Variants in SYCP2 observed in about 807,000 individuals in gnomAD.
SYCP2 encodes the protein synaptonemal complex lateral element protein.
SYCP2 carries 55 observed loss-of-function variants against 211.3 expected under a neutral mutation model. That is an observed-to-expected ratio of 0.26 (90% CI 0.21 to 0.33). SYCP2 has a LOEUF of 0.33. Among genes scored for constraint, SYCP2 ranks in the 10% least tolerant of loss-of-function variants. SYCP2 has a pLI of 1.00. For missense variants in SYCP2, 1,731 were observed against 1,752.0 expected (o/e 0.99, Z 0.21); for synonymous variants, 570 against 555.2 (o/e 1.03, Z -0.37).
At chr20:59,918,029 AG>A (rs1176117324) in intron 7 of SYCP2, among the ~76,000 whole-genome samples, 1 of 152,154 alleles carries the variant, frequency 6.6e-6, no homozygotes, top group Non-Finnish European at 1.5e-5. Flanking sequence ...ACCCATGGTC[AG>A]TTCTTTGAAT....
chr20:59,880,524 T>C (rs139207506), intron 30 of SYCP2, 53 bp from the exon 31 acceptor site: 1 of 1,124,066 alleles, frequency 8.9e-7, no homozygotes, highest in East Asian at 2.7e-5. Context: ...CATTATGTCA[T>C]GCAAGGTAAG....
In SYCP2 at chr20:59,886,727, T is replaced by C; in HGVS notation, c.2472A>G (p.Leu824=). Residue 824 remains leucine, a synonymous_variant, in exon 25 of 45, where the codon TTA becomes TTG. Transcript: ENST00000357552. ...TKDDIKSTRK[L]KESLINSGFS... ...CATACCTGTTAATCAAAGACTCCTT[T>C]AATTTTCTTGTAGACTTGATGTCAT... is the stretch of plus-strand genomic sequence containing the variant. The C allele has an allele frequency of 6.4e-7, 1 of 1,570,488 alleles. No individual in the cohort carries two copies. Among genetic ancestry groups the C allele is most frequent in the South Asian group, 1.2e-5 (1 of 84,004 alleles).
In SYCP2 at chr20:59,928,150, G is replaced by A. The variant is rs185401097; in HGVS notation, c.-47+3912C>T. Reference sequence around the variant, plus strand: ...TTACGTTTCTTTTCCTACTCTGTCAGAACCCAGGAAGAAAGAGGAATGCTG... The same window carrying A: ...TTACGTTTCTTTTCCTACTCTGTCAAAACCCAGGAAGAAAGAGGAATGCTG... On this transcript the variant is annotated intron_variant, in intron 2 of 44. Transcript: ENST00000357552. Among the ~76,000 whole-genome samples, 274 of 152,270 alleles carry A rather than the reference G, an allele frequency of 1.8e-3. 2 individuals are homozygous for A. Among genetic ancestry groups the A allele is most frequent in the African/African-American group, 6.1e-3 (254 of 41,562 alleles).
chr20:59,910,382 T>A (rs1028167069), intron 14 of SYCP2, among the ~76,000 whole-genome samples: 6 of 131,890 alleles, frequency 4.5e-5, no homozygotes, highest in East Asian at 4.2e-4. Flanking sequence ...TTATTTTTTT[T>A]TTTTTTTTTT....
chr20:59,884,864 C>A (rs1419698252), intron 26 of SYCP2, among the ~76,000 whole-genome samples: 1 of 151,740 alleles, frequency 6.6e-6, no homozygotes, highest in Non-Finnish European at 1.5e-5. Flanking sequence ...GAAGAAAAAA[C>A]CCATGAGTAA....
At chr20:59,901,588 C>T in intron 16 of SYCP2, 74 bp downstream of exon 16, 1 of 920,514 alleles carries the variant, frequency 1.1e-6, no homozygotes, top group Non-Finnish European at 1.6e-6. Flanking sequence ...GGAAAAAACG[C>T]AATAAAACTT....
At chr20:59,903,855 T>TGGAGA (rs1199003031) in intron 15 of SYCP2, among the ~76,000 whole-genome samples, 1 of 152,180 alleles carries the variant, frequency 6.6e-6, no homozygotes, top group Non-Finnish European at 1.5e-5. Context: ...AGTTGGAAGC[T>TGGAGA]GGAGACTTCC....
At position 59,886,707 on chromosome 20, in the gene SYCP2, C is replaced by A. The variant is rs890211237; in HGVS notation, c.2492G>T (p.Ser831Ile). The change falls in exon 25 of 45, where the codon AGT (serine) becomes ATT (isoleucine). Residue 831 changes from serine (S) to isoleucine (I), a missense_variant and splice_region_variant. Ser to Ile is a moderately radical substitution (Grantham distance 142). This residue lies in a region of SYCP2 where 1,387 missense variants were observed against 1,351.3 expected (regional missense o/e 1.03). Transcript: ENST00000357552. ...TRKLKESLIN[S>I]GFSNKPVVQL... The stretch of plus-strand genomic sequence containing the variant: ...TCATGTCTGAAATTTAAGAACATAC[C>A]TGTTAATCAAAGACTCCTTTAATTT... The A allele has an allele frequency of 8.4e-6, 13 of 1,544,376 alleles. No homozygotes were observed. The Admixed American group carries it at 1.1e-4, about 13-fold the overall frequency.
intron 2 of SYCP2, among the ~76,000 whole-genome samples, chr20:59,925,121 A>G (rs1835078334): frequency 6.6e-6 from 1 of 152,082 alleles, no homozygotes; most frequent in African/African-American, 2.4e-5. Flanking sequence ...ACCATAAAAG[A>G]CAACTGATAA....
In SYCP2 at chr20:59,921,288, T is replaced by A. The variant is rs761355642; in HGVS notation, c.168+22A>T. On this transcript the variant is annotated intron_variant, in intron 4 of 44. Coordinates refer to ENST00000357552, the MANE Select transcript of SYCP2 (RefSeq NM_014258.4). ...TTCTATCTAATAATTGTAACAATCA[T>A]TCAGCAAAAATGAATATTTACCCTG... 2.5e-6 allele frequency: 4 copies of A among 1,570,480 alleles called. No individual in the cohort carries two copies. In the South Asian group the frequency reaches 4.7e-5, roughly 19 times the overall value.
chr20:59,907,452 TA>T, intron 14 of SYCP2, 28 bp from the exon 15 acceptor site: 1 of 1,569,040 alleles, frequency 6.4e-7, no homozygotes, highest in Non-Finnish European at 8.7e-7. Context: ...GTTTTGGCCA[TA>T]AATAATTTAT....
In SYCP2 at chr20:59,877,562, G is replaced by A. The variant is rs755487147; in HGVS notation, c.2980-7C>T. The A allele has an allele frequency of 2.5e-6, 4 of 1,577,588 alleles. No homozygotes were observed. On this transcript the variant is annotated splice_region_variant and splice_polypyrimidine_tract_variant and intron_variant, in intron 32 of 44. Coordinates refer to ENST00000357552, the MANE Select transcript of SYCP2 (RefSeq NM_014258.4). ...TGATATTTTTACTGGGTGTCTTTAG[G>A]AGAAAAATTCCTGAATATTAGATCA...
At chr20:59,932,755 G>A (rs1303389711) in intron 1 of SYCP2, among the ~76,000 whole-genome samples, 3 of 152,156 alleles carry the variant, frequency 2.0e-5, no homozygotes, top group East Asian at 1.9e-4. Flanking sequence ...AGAAAAGGCC[G>A]CACGTGGAGC....
At chr20:59,877,638 G>T in intron 32 of SYCP2, 83 bp from the exon 33 acceptor site, 1 of 1,168,196 alleles carries the variant, frequency 8.6e-7, no homozygotes, top group South Asian at 1.4e-5. Flanking sequence ...TTGGCACTGT[G>T]ACAAGTTTTA....
Position 59,886,808 on chromosome 20 carries a change from A to C in SYCP2, c.2391T>G (p.Phe797Leu), listed in dbSNP as rs1204191705. The change falls in exon 25 of 45, where the codon TTT becomes TTG. Residue 797 changes from phenylalanine to leucine, a missense_variant. By Grantham distance (22) the Phe-to-Leu change is conservative. This residue lies in a region of SYCP2 where 1,387 missense variants were observed against 1,351.3 expected (regional missense o/e 1.03). Transcript: ENST00000357552. ...TTATCAAGGATTCTGCTACATTGGT[A>C]AATTCTTTCCCTTTTGACTTTTCTC... ...KMREKSKGKE[F>L]TNVAESLISQ... 6.3e-7 allele frequency: 1 copy of C among 1,586,858 alleles called. No homozygotes were observed. The highest frequency in any genetic ancestry group is 1.4e-5 in the African/African-American group (1 of 73,382).
chr20:59,866,190 C>CA, intron 41 of SYCP2, 103 bp downstream of exon 41: 1 of 630,708 alleles, frequency 1.6e-6, no homozygotes, highest in Non-Finnish European at 2.6e-6. Flanking sequence ...ATTTTCTGAA[C>CA]AAAAAGCTTT....
At chr20:59,912,788 T>A (rs1600953178) in intron 12 of SYCP2, among the ~76,000 whole-genome samples, 1 of 152,208 alleles carries the variant, frequency 6.6e-6, no homozygotes, top group South Asian at 2.1e-4. Context: ...ATGAGGGCAG[T>A]TTCTCCCACA....
chr20:59,899,856 A>G (rs2060081218), intron 18 of SYCP2, among the ~76,000 whole-genome samples: 1 of 152,214 alleles, frequency 6.6e-6, no homozygotes, highest in Non-Finnish European at 1.5e-5. Flanking sequence ...AAATGCAATT[A>G]TAGAACAAAA....
At chr20:59,916,623 C>A (rs753884185) in intron 7 of SYCP2, 52 bp from the exon 8 acceptor site, 1 of 1,216,988 alleles carries the variant, frequency 8.2e-7, no homozygotes, top group Middle Eastern at 1.9e-4. Flanking sequence ...ATCCTCTTAA[C>A]TGTCAGTCTT....
Sources: gnomAD v4.1 joint callset for allele counts (sites outside exome capture counted in the v4.1 genomes callset) on GRCh38, gnomAD v4.1.1 for gene constraint, gnomAD v4.1.1 regional missense constraint, MANE v1.5 for transcripts, NCBI Gene and HGNC (gene_info 2026-07-23, HGNC 2026-07-21) for gene names.